Variants in GPHN observed in about 807,000 individuals in gnomAD.
GPHN encodes the protein gephyrin.
Under a neutral mutation model 95.5 loss-of-function variants are expected in GPHN, and 17 were observed. That is an observed-to-expected ratio of 0.18 (90% CI 0.12 to 0.27). GPHN has a LOEUF of 0.27. Ranked by LOEUF, GPHN falls within the 10% of genes least tolerant of loss-of-function variation. GPHN has a pLI of 1.00. For synonymous variants in GPHN, 320 were observed against 322.5 expected (o/e 0.99, Z 0.08); for missense variants, 660 against 978.1 (o/e 0.67, Z 4.34).
chr14:67,380,634 GTTAT>G, the GPHN span: 7 of 1,327,382 alleles, frequency 5.3e-6, no homozygotes, highest in South Asian at 1.5e-5. Context: ...TTGACCTTTT[GTTAT>G]TTATTTATGT....
At chr14:67,555,289 T>C in the GPHN span, among the ~76,000 whole-genome samples, 10 of 152,142 alleles carry the variant, frequency 6.6e-5, no homozygotes, top group Non-Finnish European at 1.5e-4. Context: ...ATTCAAGAAA[T>C]CAAATAAGGT....
intron 11 of GPHN, among the ~76,000 whole-genome samples, chr14:67,085,119 A>C (rs2076833701): frequency 6.6e-6 from 1 of 152,240 alleles, no homozygotes; most frequent in Non-Finnish European, 1.5e-5. Context: ...GCCTCCTCAG[A>C]AACTTGAGGG....
the GPHN span, chr14:67,647,165 T>C: frequency 1.7e-6 from 1 of 577,046 alleles, no homozygotes; most frequent in Admixed American, 3.2e-5. Flanking sequence ...AAAGGCAAAA[T>C]TTGAAACACA....
chr14:67,603,219 T>G, the GPHN span, among the ~76,000 whole-genome samples: 1 of 152,098 alleles, frequency 6.6e-6, no homozygotes, highest in Admixed American at 6.6e-5. Flanking sequence ...ACAGGCACAC[T>G]CTACCACATC....
the GPHN span, among the ~76,000 whole-genome samples, chr14:67,597,748 A>T: frequency 7.9e-6 from 1 of 126,168 alleles, no homozygotes; most frequent in Non-Finnish European, 1.7e-5. Context: ...TATAAGTGCC[A>T]AAAGAAAAGT....
At chr14:66,894,558 A>G (rs2064719973) in intron 5 of GPHN, among the ~76,000 whole-genome samples, 1 of 152,216 alleles carries the variant, frequency 6.6e-6, no homozygotes, top group Non-Finnish European at 1.5e-5. Context: ...AGAAACTACC[A>G]TCAGAGTGAA....
chr14:67,365,803 GTT>G, the GPHN span, among the ~76,000 whole-genome samples: 2 of 152,108 alleles, frequency 1.3e-5, no homozygotes, highest in African/African-American at 2.4e-5. Context: ...CAGCCGTCTG[GTT>G]TACTGATACT....
chr14:66,973,684 G>A (rs531348585), intron 9 of GPHN, among the ~76,000 whole-genome samples: 14 of 152,256 alleles, frequency 9.2e-5, no homozygotes, highest in East Asian at 1.9e-4. Context: ...GCTTGAACCC[G>A]AGAGGCGGAG....
Position 67,080,263 on chromosome 14 carries a change from A to AT in GPHN, c.1145-8714dup, listed in dbSNP as rs1460502326. 9.3e-5 allele frequency among the ~76,000 whole-genome samples: 14 copies of AT among 150,692 alleles called. 1 individual carries two copies. Among genetic ancestry groups the AT allele is most frequent in the Admixed American group, 5.3e-4 (8 of 15,108 alleles). The stretch of plus-strand genomic sequence containing the variant: ...CTTTTTTTCATTTTAAATTCATGTG[A>AT]TTTTTTGTTGTTGAGTTGTAAGAGC... On this transcript the variant is annotated intron_variant, in intron 11 of 22. Coordinates refer to ENST00000478722, the MANE Select transcript of GPHN (RefSeq NM_020806.5).
the GPHN span, among the ~76,000 whole-genome samples, chr14:67,672,114 G>C: frequency 6.8e-6 from 1 of 147,150 alleles, no homozygotes. Context: ...GGTTGAAAAT[G>C]CAGTCTACAT....
chr14:67,342,881 C>T, the GPHN span, among the ~76,000 whole-genome samples: 2 of 151,804 alleles, frequency 1.3e-5, no homozygotes, highest in Non-Finnish European at 2.9e-5. Context: ...CAAAAAGTAC[C>T]ATCAACACTA....
chr14:67,116,295 AAAAG>A lies in GPHN; in HGVS notation c.1626+3140_1626+3143del, dbSNP rs544936079. 3.4e-3 allele frequency among the ~76,000 whole-genome samples: 520 copies of A among 151,956 alleles called. 4 individuals carry two copies. The highest frequency in any genetic ancestry group is 0.011 in the African/African-American group (448 of 41,444). On this transcript the variant is annotated intron_variant, in intron 16 of 22. Transcript: ENST00000478722. ...AAAAGAAAAAGAAAGAAAGAAAAGA[AAAAG>A]AAAGAAAGAAAGAAAAAGAAAGAAA... is the stretch of plus-strand genomic sequence containing the variant.
At chr14:67,205,070 G>T in the GPHN span, 67 of 1,550,676 alleles carry the variant, frequency 4.3e-5, no homozygotes, top group Non-Finnish European at 5.8e-5. Flanking sequence ...GACTTAATCA[G>T]GGCCAAGCAA....
At chr14:66,699,095 C>G (rs1042110411) in intron 2 of GPHN, among the ~76,000 whole-genome samples, 2 of 152,190 alleles carry the variant, frequency 1.3e-5, no homozygotes, top group African/African-American at 2.4e-5. Context: ...GCAGAGAAGT[C>G]TAGCATATTC....
At chr14:67,376,822 T>C in the GPHN span, among the ~76,000 whole-genome samples, 3 of 152,222 alleles carry the variant, frequency 2.0e-5, no homozygotes, top group Non-Finnish European at 2.9e-5. Context: ...TTCCTAGTTA[T>C]TGTCCTAAGT....
the GPHN span, chr14:67,581,867 G>A: frequency 1.8e-6 from 1 of 560,634 alleles, no homozygotes; most frequent in South Asian, 2.1e-5. Flanking sequence ...ATGCCCTCCT[G>A]TTGGTATGAG....
the GPHN span, chr14:67,662,629 G>A: frequency 5.6e-5 from 64 of 1,133,466 alleles, no homozygotes; most frequent in East Asian, 1.6e-3. Flanking sequence ...CCTATGGCAG[G>A]GCCTGGTGGC....
rs991366875 is a variant in GPHN at position 66,629,178 on chromosome 14, T to C, written c.65-51929T>C. Among the ~76,000 whole-genome samples the C allele has an allele frequency of 4.4e-5, 6 of 136,250 alleles. 1 individual carries two copies. In the South Asian group the frequency reaches 6.5e-4, roughly 15 times the overall value. 89.4% of individuals were successfully genotyped at this position (136,250 alleles called of 152,430 possible). ...ATAAATATGTATATAAATATATATA[T>C]ACATATATAAATATGTATATAAATA... On this transcript the variant is annotated intron_variant, in intron 1 of 22. Transcript: ENST00000478722.
the GPHN span, among the ~76,000 whole-genome samples, chr14:67,554,296 G>C: frequency 2.6e-5 from 4 of 152,188 alleles, no homozygotes; most frequent in Non-Finnish European, 5.9e-5. Context: ...TTGGGAAAGA[G>C]AGAAGGATTG....
Sources: allele counts gnomAD v4.1 joint callset (sites outside exome capture counted in the v4.1 genomes callset), GRCh38; gene constraint gnomAD v4.1.1; transcripts MANE v1.5; gene names NCBI Gene and HGNC (gene_info 2026-07-23, HGNC 2026-07-21).